Variants in ARRB1 observed in about 807,000 individuals in gnomAD.
The protein encoded by ARRB1 is arrestin beta 1, also known as beta-arrestin-1.
ARRB1 carries 21 observed loss-of-function variants against 56.8 expected under a neutral mutation model. The ratio of observed to expected loss-of-function variants is 0.37; its 90% CI spans 0.26 to 0.53. The LOEUF is 0.53. ARRB1 is among the 20% of genes least tolerant of loss of function. ARRB1 has a pLI of 0.88. For synonymous variants in ARRB1, 210 were observed against 218.6 expected (o/e 0.96, Z 0.35); for missense variants, 424 against 553.7 (o/e 0.77, Z 2.35).
rs3139 is a variant in ARRB1 at position 75,265,976 on chromosome 11, G to A, written c.*187C>T. 1,427 of 600,596 alleles carry A rather than the reference G, an allele frequency of 2.4e-3. 3 individuals are homozygous for A. Among genetic ancestry groups the A allele is most frequent in the Non-Finnish European group, 3.3e-3 (1,104 of 335,176 alleles). The allele number at this position is 600,596 out of a possible 1,614,324, so 37.2% of individuals were successfully genotyped here. On this transcript the variant is annotated 3_prime_UTR_variant, in exon 16 of 16. Coordinates refer to ENST00000420843, the MANE Select transcript of ARRB1 (RefSeq NM_004041.5). ...GGTGGAGCCAGTGCGCTGTGGTCCT[G>A]TTGGCGTGGTGATGTGGGGCCAATC... is the stretch of plus-strand genomic sequence containing the variant.
At chr11:75,349,890 AG>A (rs1947821326) in intron 1 of ARRB1, among the ~76,000 whole-genome samples, 1 of 152,230 alleles carries the variant, frequency 6.6e-6, no homozygotes, top group African/African-American at 2.4e-5. Flanking sequence ...CTGGCCCATG[AG>A]GGGCCTGGCA....
chr11:75,313,198 C>T (rs7938332), intron 1 of ARRB1, among the ~76,000 whole-genome samples: 10,126 of 152,136 alleles, frequency 0.067, 562 homozygotes, highest in South Asian at 0.27. Flanking sequence ...GCTAAAAATA[C>T]AAAAATTACG....
intron 1 of ARRB1, among the ~76,000 whole-genome samples, chr11:75,314,217 T>C (rs927437655): frequency 4.6e-5 from 7 of 152,114 alleles, no homozygotes; most frequent in African/African-American, 1.7e-4. Flanking sequence ...CTGCTCCCCA[T>C]TGTGTGTAAG....
At chr11:75,351,036 GTGTT>G (rs1228746160) in intron 1 of ARRB1, among the ~76,000 whole-genome samples, 1 of 152,206 alleles carries the variant, frequency 6.6e-6, no homozygotes, top group Non-Finnish European at 1.5e-5. Flanking sequence ...GCCAGCAAGA[GTGTT>G]TGCTACAGCG....
chr11:75,268,951 G>A lies in ARRB1; in HGVS notation c.1031C>T (p.Ala344Val). Reference protein sequence around the residue: ...LLGDLASSDVAVELPFTLMHP... With the variant: ...LLGDLASSDVVVELPFTLMHP... ...CATTAGGGTGAAGGGCAGTTCCACGGCCACGTCGCTGAAACAGAGACCCAG... is the reference window on the plus strand; with the variant it reads ...CATTAGGGTGAAGGGCAGTTCCACGACCACGTCGCTGAAACAGAGACCCAG... The change falls in exon 14 of 16, where the codon GCC becomes GTC. Residue 344 changes from alanine to valine, a missense_variant. By Grantham distance (64) the Ala-to-Val change is moderately conservative. This residue lies in a region of ARRB1 where 121 missense variants were observed against 147.3 expected (regional missense o/e 0.82). Coordinates refer to ENST00000420843, the MANE Select transcript of ARRB1 (RefSeq NM_004041.5). 6.2e-7 allele frequency: 1 copy of A among 1,609,632 alleles called. No homozygotes were observed. The highest frequency in any genetic ancestry group is 8.5e-7 in the Non-Finnish European group (1 of 1,178,768).
At chr11:75,332,347 A>C (rs1359782816) in intron 1 of ARRB1, among the ~76,000 whole-genome samples, 3 of 152,160 alleles carry the variant, frequency 2.0e-5, no homozygotes, top group Non-Finnish European at 2.9e-5. Context: ...GTGGGGGAAA[A>C]TCTGCGTCTG....
chr11:75,263,375 C>T lies in ARRB1; in HGVS notation c.*2788G>A, dbSNP rs1945841233. Among the ~76,000 whole-genome samples the T allele has an allele frequency of 6.6e-6, 1 of 152,252 alleles. No individual in the cohort carries two copies. Among genetic ancestry groups the T allele is most frequent in the Non-Finnish European group, 1.5e-5 (1 of 68,046 alleles). On this transcript the variant is annotated 3_prime_UTR_variant, in exon 16 of 16. Coordinates refer to ENST00000420843, the MANE Select transcript of ARRB1 (RefSeq NM_004041.5). The stretch of plus-strand genomic sequence containing the variant: ...TTGGCCTGTGTGTCCCTCGAGGCTG[C>T]AGCGTATGGCCGTGCAGCAGGGCAC...
chr11:75,299,811 A>G (rs1205150628), intron 1 of ARRB1, among the ~76,000 whole-genome samples: 1 of 152,208 alleles, frequency 6.6e-6, no homozygotes, highest in Non-Finnish European at 1.5e-5. Context: ...ATAGCATGGT[A>G]CCTAGGATAT....
chr11:75,284,503 A>G (rs1190075632), intron 3 of ARRB1, among the ~76,000 whole-genome samples: 1 of 152,230 alleles, frequency 6.6e-6, no homozygotes, highest in African/African-American at 2.4e-5. Flanking sequence ...GACTTTAGGC[A>G]GGTTAGAGAC....
chr11:75,275,410 G>A (rs1328207494), intron 10 of ARRB1, among the ~76,000 whole-genome samples: 2 of 152,076 alleles, frequency 1.3e-5, no homozygotes, highest in African/African-American at 2.4e-5. Context: ...GCCTCCCCAA[G>A]TGCTGGGATT....
chr11:75,267,757 C>T (rs539006611), intron 14 of ARRB1, 54 bp from the exon 15 acceptor site: 6 of 1,541,848 alleles, frequency 3.9e-6, no homozygotes, highest in Admixed American at 3.4e-5. Context: ...TGGATGAGCA[C>T]GGGGCGAGTA....
At chr11:75,308,773 A>AT (rs1269956576) in intron 1 of ARRB1, among the ~76,000 whole-genome samples, 13 of 151,374 alleles carry the variant, frequency 8.6e-5, no homozygotes, top group Non-Finnish European at 1.6e-4. Flanking sequence ...CTACAGTAAT[A>AT]TTTTTTTCTG....
chr11:75,268,982 G>T (rs1946008504), intron 13 of ARRB1, 23 bp from the exon 14 acceptor site: 6 of 1,606,810 alleles, frequency 3.7e-6, no homozygotes, highest in Non-Finnish European at 5.1e-6. Flanking sequence ...CCCAGACCCA[G>T]TGAGCCTTGA....
chr11:75,280,097 T>C (rs557691441), intron 7 of ARRB1, among the ~76,000 whole-genome samples: 18 of 152,276 alleles, frequency 1.2e-4, no homozygotes, highest in African/African-American at 4.3e-4. Context: ...TAGTAACTCC[T>C]TGGTGTGGAT....
intron 1 of ARRB1, 152 bp downstream of exon 1, chr11:75,351,436 A>G (rs1001832294): frequency 2.5e-5 from 30 of 1,179,086 alleles, no homozygotes; most frequent in African/African-American, 3.3e-5. Context: ...CCTGCCGGGG[A>G]GACCACACAG....
intron 1 of ARRB1, among the ~76,000 whole-genome samples, chr11:75,305,614 T>C (rs1269179486): frequency 6.6e-6 from 1 of 152,176 alleles, no homozygotes; most frequent in Non-Finnish European, 1.5e-5. Flanking sequence ...CAGCACACTG[T>C]TGGGTGTAAC....
intron 10 of ARRB1, among the ~76,000 whole-genome samples, chr11:75,275,154 T>TTTATTTTATTTTATTTTATTTTA: frequency 6.6e-6 from 1 of 151,118 alleles, no homozygotes; most frequent in Admixed American, 6.6e-5. Context: ...TTTATTTTAT[T>TTTATTTTATTTTATTTTATTTTA]TTATTTTTTT....
intron 1 of ARRB1, among the ~76,000 whole-genome samples, chr11:75,303,358 C>G (rs1946948940): frequency 6.6e-6 from 1 of 152,120 alleles, no homozygotes; most frequent in African/African-American, 2.4e-5. Flanking sequence ...CCCTGCTCTT[C>G]CCTCTTCCTG....
intron 1 of ARRB1, among the ~76,000 whole-genome samples, chr11:75,331,020 T>TA (rs1297580449): frequency 2.0e-5 from 3 of 152,260 alleles, no homozygotes; most frequent in Non-Finnish European, 4.4e-5. Context: ...TGTTGAGGAC[T>TA]AAAATCTGAT....
Sources: gnomAD v4.1 joint callset for allele counts (sites outside exome capture counted in the v4.1 genomes callset) on GRCh38, gnomAD v4.1.1 for gene constraint, gnomAD v4.1.1 regional missense constraint, MANE v1.5 for transcripts, NCBI Gene and HGNC (gene_info 2026-07-23, HGNC 2026-07-21) for gene names.